Variants in CD8A observed in about 807,000 individuals in gnomAD.
CD8A encodes the protein CD8 subunit alpha.
In CD8A, 25 loss-of-function variants were observed where a neutral mutation model predicts 24.2. The ratio of observed to expected loss-of-function variants is 1.03; its 90% confidence interval spans 0.75 to 1.44. The LOEUF (loss-of-function observed/expected upper bound fraction) is 1.44, where lower values mean the gene tolerates loss of function less well. Ranked by LOEUF, CD8A falls within the 40% of genes most tolerant of loss-of-function variation. The pLI, the probability that CD8A is intolerant of heterozygous loss-of-function variation, is 0.00. For synonymous variants in CD8A, 165 were observed against 149.9 expected (o/e 1.10, Z -0.74); for missense variants, 360 against 319.7 (o/e 1.13, Z -0.96).
At position 86,790,827 on chromosome 2, in the gene CD8A, A is replaced by AC; in HGVS notation, c.-3dup. 1 of 1,545,232 alleles carries AC rather than the reference A, an allele frequency of 6.5e-7. No individual in the cohort carries two copies. The highest frequency in any genetic ancestry group is 8.7e-7 in the Non-Finnish European group (1 of 1,149,536). On this transcript the variant is annotated 5_prime_UTR_variant, in exon 1 of 6. Coordinates refer to ENST00000283635, the MANE Select transcript of CD8A (RefSeq NM_001768.7). ...CAAGGCGGTCACTGGTAAGGCCATGACGCGCTCCCCAGGACGCTGCTTGGC... is the reference window on the plus strand; with the variant it reads ...CAAGGCGGTCACTGGTAAGGCCATGACCGCGCTCCCCAGGACGCTGCTTGGC...
At chr2:86,799,308 C>T (rs183791763) in intron 3 of CD8A, among the ~76,000 whole-genome samples, 156 of 152,278 alleles carry the variant, frequency 1.0e-3, no homozygotes, top group African/African-American at 3.6e-3. Flanking sequence ...GCAAACTTCC[C>T]GCCCTCCTGT....
intron 2 of CD8A, among the ~76,000 whole-genome samples, chr2:86,802,772 G>A (rs992070456): frequency 1.5e-4 from 23 of 151,892 alleles, no homozygotes; most frequent in African/African-American, 3.9e-4. Flanking sequence ...CACCACACCC[G>A]ACTAATTTTT....
chr2:86,791,464 C>T, upstream of CD8A: 2 of 452,494 alleles, frequency 4.4e-6, no homozygotes, highest in Non-Finnish European at 4.4e-6. Flanking sequence ...TGTCAGTGCG[C>T]TGCTGACCTC....
intron 5 of CD8A, among the ~76,000 whole-genome samples, chr2:86,787,548 A>T (rs1472550214): frequency 6.6e-6 from 1 of 152,178 alleles, no homozygotes; most frequent in Non-Finnish European, 1.5e-5. Context: ...ACAAATCACT[A>T]AATGTTCTAA....
chr2:86,786,362 G>GA (rs1461303128), intron 5 of CD8A, among the ~76,000 whole-genome samples: 1 of 152,232 alleles, frequency 6.6e-6, no homozygotes, highest in Non-Finnish European at 1.5e-5. Flanking sequence ...CTCAGCCCCG[G>GA]AGGATGACAG....
intron 5 of CD8A, 34 bp downstream of exon 5, chr2:86,788,496 C>A (rs780165535): frequency 6.5e-7 from 1 of 1,532,888 alleles, no homozygotes; most frequent in Non-Finnish European, 8.8e-7. Context: ...CAGGGCTGGC[C>A]AAGGTGAGCA....
At chr2:86,802,271 C>G (rs1056476164) in intron 2 of CD8A, among the ~76,000 whole-genome samples, 1 of 152,176 alleles carries the variant, frequency 6.6e-6, no homozygotes, top group Non-Finnish European at 1.5e-5. Context: ...CTCCTGAACT[C>G]TAGTAATCTG....
intron 2 of CD8A, among the ~76,000 whole-genome samples, chr2:86,806,252 G>A (rs981071805): frequency 1.3e-5 from 2 of 151,846 alleles, no homozygotes; most frequent in African/African-American, 4.8e-5. Context: ...GAAACATTGC[G>A]AGAGGGAAGG....
chr2:86,794,821 G>A (rs952986391), upstream of CD8A, among the ~76,000 whole-genome samples: 2 of 152,090 alleles, frequency 1.3e-5, no homozygotes, highest in African/African-American at 2.4e-5. Flanking sequence ...CCTCTTGTCT[G>A]TCACCTTCTT....
rs1361513061 is a variant in CD8A at position 86,785,611 on chromosome 2, G to C, written c.*309C>G. On this transcript the variant is annotated 3_prime_UTR_variant, in exon 6 of 6. Coordinates refer to ENST00000283635, the MANE Select transcript of CD8A (RefSeq NM_001768.7). ...GCGGGGAAGAGGTTGAGATGGCATG[G>C]GTGCCTCCAGCTCTCTCAGCATGAT... 1.7e-6 allele frequency: 1 copy of C among 595,584 alleles called. No homozygotes were observed. Among genetic ancestry groups the C allele is most frequent in the South Asian group, 1.5e-5 (1 of 65,750 alleles). The allele number at this position is 595,584 out of a possible 1,614,324, so 36.9% of individuals were successfully genotyped here.
At chr2:86,802,902 C>T (rs188761109) in intron 2 of CD8A, among the ~76,000 whole-genome samples, 28 of 152,086 alleles carry the variant, frequency 1.8e-4, no homozygotes, top group Admixed American at 1.4e-3. Flanking sequence ...TGAACCATCG[C>T]GCCTGGCCTA....
rs552444778 is a variant in CD8A at position 86,803,768 on chromosome 2, C to A, written c.-417-2111G>T. ...TTTGCCATGTTGGCCAGGCTGGTCT[C>A]AAACTCCTGACCTCAGATGATCCAC... On this transcript the variant is annotated intron_variant, in intron 2 of 8. Coordinates refer to the CD8A transcript ENST00000409511. 5.8e-4 allele frequency among the ~76,000 whole-genome samples: 88 copies of A among 152,326 alleles called. 2 individuals carry two copies. The highest frequency in any genetic ancestry group is 1.9e-3 in the African/African-American group (79 of 41,574).
rs186513846 is a variant in CD8A at position 86,784,961 on chromosome 2, C to T, written c.*959G>A. On this transcript the variant is annotated 3_prime_UTR_variant, in exon 6 of 6. Coordinates refer to ENST00000283635, the MANE Select transcript of CD8A (RefSeq NM_001768.7). Reference sequence around the variant, plus strand: ...TCTGCTAGTTGAGCAGAGGCCAGGGCTGTGTGAGGGGCTCTCCAACAATTG... The same window carrying T: ...TCTGCTAGTTGAGCAGAGGCCAGGGTTGTGTGAGGGGCTCTCCAACAATTG... 7.9e-5 allele frequency: 36 copies of T among 454,128 alleles called. 1 individual carries two copies. The East Asian group carries it at 2.4e-3, about 31-fold the overall frequency. The allele number at this position is 454,128 out of a possible 1,614,324, so 28.1% of individuals were successfully genotyped here.
chr2:86,791,535 C>T (rs1000790467), upstream of CD8A: 1 of 454,192 alleles, frequency 2.2e-6, no homozygotes. Context: ...CTTCTTGGAG[C>T]CATTGCAACA....
upstream of CD8A, among the ~76,000 whole-genome samples, chr2:86,795,804 C>A: frequency 6.6e-6 from 1 of 152,088 alleles, no homozygotes; most frequent in Non-Finnish European, 1.5e-5. Context: ...CCTGGAAAGT[C>A]AGAGGCTACT....
intron 2 of CD8A, among the ~76,000 whole-genome samples, chr2:86,802,554 C>T (rs1043460032): frequency 3.3e-5 from 5 of 152,030 alleles, no homozygotes; most frequent in Admixed American, 1.3e-4. Flanking sequence ...AGCATATGCA[C>T]CTATTAAACT....
intron 3 of CD8A, among the ~76,000 whole-genome samples, chr2:86,796,644 T>C (rs1451145232): frequency 1.3e-5 from 2 of 152,232 alleles, no homozygotes; most frequent in Non-Finnish European, 1.5e-5. Flanking sequence ...ATAGAGTTGA[T>C]GTTTGTGGTT....
intron 2 of CD8A, 69 bp from the exon 3 acceptor site, chr2:86,789,819 C>T (rs985740816): frequency 2.1e-4 from 198 of 924,034 alleles, no homozygotes; most frequent in Non-Finnish European, 2.9e-4. Flanking sequence ...CCCGGCCTCG[C>T]GCACCTTTCC....
chr2:86,805,299 A>G (rs1039882630), intron 2 of CD8A, among the ~76,000 whole-genome samples: 1 of 152,204 alleles, frequency 6.6e-6, no homozygotes, highest in Admixed American at 6.5e-5. Flanking sequence ...GAGTCCAAGT[A>G]CAAGATTTTC....
Sources: gnomAD v4.1 joint callset for allele counts (sites outside exome capture counted in the v4.1 genomes callset) on GRCh38, gnomAD v4.1.1 for gene constraint, MANE v1.5 for transcripts, NCBI Gene and HGNC (gene_info 2026-07-23, HGNC 2026-07-21) for gene names.